Variants in TAFA1 observed in about 807,000 individuals in gnomAD.
TAFA1 encodes the protein TAFA chemokine like family member 1.
In TAFA1, 4 loss-of-function variants were observed where a neutral mutation model predicts 18.5. That is an observed-to-expected ratio of 0.22 (90% CI 0.11 to 0.49). The LOEUF (loss-of-function observed/expected upper bound fraction) is 0.49. Ranked by LOEUF, TAFA1 falls within the 20% of genes least tolerant of loss-of-function variation. The pLI, the probability that TAFA1 is intolerant of heterozygous loss-of-function variation, is 0.98. For missense variants in TAFA1, 147 were observed against 169.0 expected (o/e 0.87, Z 0.72); for synonymous variants, 56 against 55.2 (o/e 1.01, Z -0.06).
intron 2 of TAFA1, among the ~76,000 whole-genome samples, chr3:68,074,988 C>G (rs1575602711): frequency 6.6e-6 from 1 of 152,132 alleles, no homozygotes; most frequent in East Asian, 1.9e-4. Flanking sequence ...CCCCATGAAC[C>G]TGGCAGGTGA....
At chr3:68,351,161 C>T (rs1403711260) in intron 2 of TAFA1, among the ~76,000 whole-genome samples, 1 of 152,060 alleles carries the variant, frequency 6.6e-6, no homozygotes, top group Non-Finnish European at 1.5e-5. Context: ...GTTAAAATTC[C>T]TTGGGTGTTT....
chr3:68,525,084 G>A (rs558417266), intron 3 of TAFA1, among the ~76,000 whole-genome samples: 49 of 152,344 alleles, frequency 3.2e-4, no homozygotes, highest in Admixed American at 7.8e-4. Context: ...GCTCAAGGCA[G>A]TAGAACTAAG....
chr3:68,499,275 G>A (rs1461212501), intron 3 of TAFA1, among the ~76,000 whole-genome samples: 4 of 145,544 alleles, frequency 2.7e-5, no homozygotes, highest in Non-Finnish European at 6.1e-5. Flanking sequence ...AAAAAAAAAA[G>A]CTACTTACTG....
At chr3:68,038,282 A>G (rs1479909476) in intron 2 of TAFA1, among the ~76,000 whole-genome samples, 1 of 152,186 alleles carries the variant, frequency 6.6e-6, no homozygotes, top group Non-Finnish European at 1.5e-5. Flanking sequence ...AAAAGTTGGA[A>G]AAATTGAGAC....
intron 3 of TAFA1, among the ~76,000 whole-genome samples, chr3:68,461,321 G>A (rs1030291051): frequency 8.4e-6 from 1 of 119,050 alleles, no homozygotes; most frequent in Non-Finnish European, 1.8e-5. Context: ...AAACAAACCT[G>A]GCCAGGATAT....
At chr3:68,479,468 T>C (rs1368119223) in intron 3 of TAFA1, among the ~76,000 whole-genome samples, 1 of 152,056 alleles carries the variant, frequency 6.6e-6, no homozygotes, top group African/African-American at 2.4e-5. Flanking sequence ...AGCATGTCTC[T>C]CTTATTTTAT....
At chr3:68,068,165 A>T (rs2064706789) in intron 2 of TAFA1, among the ~76,000 whole-genome samples, 1 of 152,194 alleles carries the variant, frequency 6.6e-6, no homozygotes, top group Non-Finnish European at 1.5e-5. Flanking sequence ...CTTTTAACTT[A>T]AAAAAAGTTT....
rs142311032 is a variant in TAFA1 at position 68,093,854 on chromosome 3, G to A, written c.118+87110G>A. 3.7e-3 allele frequency among the ~76,000 whole-genome samples: 567 copies of A among 152,132 alleles called. 5 individuals carry two copies. The highest frequency in any genetic ancestry group is 0.013 in the African/African-American group (530 of 41,514). ...TTTCCCCCTTAAATGAGAACTTACAGTATATTCTATCCTGAGTTTCCTCTA... is the reference window on the plus strand; with the variant it reads ...TTTCCCCCTTAAATGAGAACTTACAATATATTCTATCCTGAGTTTCCTCTA... On this transcript the variant is annotated intron_variant, in intron 2 of 4. Transcript: ENST00000478136.
intron 2 of TAFA1, among the ~76,000 whole-genome samples, chr3:68,355,538 T>C (rs1020974176): frequency 6.6e-6 from 1 of 151,994 alleles, no homozygotes; most frequent in Non-Finnish European, 1.5e-5. Context: ...TGCATACTAA[T>C]GATTATTACT....
At chr3:68,310,042 G>A (rs927547617) in intron 2 of TAFA1, among the ~76,000 whole-genome samples, 1 of 152,094 alleles carries the variant, frequency 6.6e-6, no homozygotes, top group Non-Finnish European at 1.5e-5. Context: ...AATAATTATT[G>A]AAACTTATAT....
intron 3 of TAFA1, among the ~76,000 whole-genome samples, chr3:68,420,193 A>G (rs2070927412): frequency 6.6e-6 from 1 of 152,142 alleles, no homozygotes; most frequent in African/African-American, 2.4e-5. Flanking sequence ...CCAGCTAGTC[A>G]CAGCCAGAGG....
chr3:68,084,627 A>G (rs910197588), intron 2 of TAFA1, among the ~76,000 whole-genome samples: 1 of 152,044 alleles, frequency 6.6e-6, no homozygotes, highest in Non-Finnish European at 1.5e-5. Flanking sequence ...GTGAAACCCC[A>G]TCTCTACTAA....
chr3:68,483,611 A>C (rs547199500), intron 3 of TAFA1, among the ~76,000 whole-genome samples: 1 of 152,346 alleles, frequency 6.6e-6, no homozygotes, highest in Admixed American at 6.5e-5. Flanking sequence ...GCTAGTTGCA[A>C]TAAAGAAGGG....
chr3:68,350,649 T>A (rs2069250574), intron 2 of TAFA1, among the ~76,000 whole-genome samples: 1 of 152,130 alleles, frequency 6.6e-6, no homozygotes, highest in Non-Finnish European at 1.5e-5. Context: ...TAATTTAAAT[T>A]CCTTTTTAAC....
intron 2 of TAFA1, among the ~76,000 whole-genome samples, chr3:68,157,098 A>G (rs996918419): frequency 6.6e-6 from 1 of 152,228 alleles, no homozygotes; most frequent in Non-Finnish European, 1.5e-5. Context: ...AACAATAGCC[A>G]TGATATAGAA....
intron 2 of TAFA1, among the ~76,000 whole-genome samples, chr3:68,168,203 A>G (rs935484849): frequency 6.6e-6 from 1 of 151,262 alleles, no homozygotes; most frequent in Admixed American, 6.6e-5. Context: ...CACAGGAACC[A>G]CTATCTCTTG....
intron 2 of TAFA1, among the ~76,000 whole-genome samples, chr3:68,143,823 G>T (rs1436144648): frequency 6.6e-6 from 1 of 152,086 alleles, no homozygotes; most frequent in Non-Finnish European, 1.5e-5. Flanking sequence ...TGCACTAAAT[G>T]ACCTCCTAAG....
At chr3:68,384,156 G>T (rs1001711662) in intron 2 of TAFA1, among the ~76,000 whole-genome samples, 14 of 151,712 alleles carry the variant, frequency 9.2e-5, no homozygotes, top group African/African-American at 3.4e-4. Context: ...TATTTTAAAT[G>T]GCTTTTCATG....
intron 3 of TAFA1, among the ~76,000 whole-genome samples, chr3:68,505,233 A>G (rs1396481354): frequency 6.6e-6 from 1 of 152,180 alleles, no homozygotes; most frequent in Non-Finnish European, 1.5e-5. Context: ...ACAAAAAGTT[A>G]CAAACTACTG....
Sources: gnomAD v4.1 joint callset for allele counts (sites outside exome capture counted in the v4.1 genomes callset) on GRCh38, gnomAD v4.1.1 for gene constraint, MANE v1.5 for transcripts, NCBI Gene and HGNC (gene_info 2026-07-23, HGNC 2026-07-21) for gene names.